Variants in ATG4C observed in about 807,000 individuals in gnomAD.
ATG4C encodes cysteine protease ATG4C.
A neutral mutation model predicts 57.6 loss-of-function variants in ATG4C; 56 were observed. The ratio of observed to expected loss-of-function variants is 0.97; its 90% CI spans 0.78 to 1.21. The LOEUF (loss-of-function observed/expected upper bound fraction) is 1.21, where lower values mean the gene tolerates loss of function less well. Among genes scored for constraint, ATG4C ranks in the 50% most tolerant of loss-of-function variants. ATG4C has a pLI of 0.00. For synonymous variants in ATG4C, 157 were observed against 174.1 expected, an observed-to-expected ratio of 0.90 and a Z score of 0.78; for missense variants, 595 against 529.8, an observed-to-expected ratio of 1.12 and a Z score of -1.21.
intron 1 of ATG4C, among the ~76,000 whole-genome samples, chr1:62,793,924 G>C (rs901932476): frequency 6.6e-5 from 10 of 152,114 alleles, no homozygotes; most frequent in African/African-American, 2.4e-4. Context: ...TTAATATTAA[G>C]AGCTTGGAAA....
intron 6 of ATG4C, 140 bp downstream of exon 6, chr1:62,821,349 C>A: frequency 2.4e-6 from 1 of 419,852 alleles, no homozygotes; most frequent in Non-Finnish European, 4.2e-6. Context: ...ATGTAGTAAG[C>A]ATTTAATAAA....
intron 9 of ATG4C, among the ~76,000 whole-genome samples, chr1:62,835,783 G>A (rs1001359438): frequency 6.6e-6 from 1 of 151,976 alleles, no homozygotes; most frequent in African/African-American, 2.4e-5. Flanking sequence ...GGTCTATTTT[G>A]TTCTTTCATA....
rs545954871 is a variant in ATG4C, at chr1:62,863,078, T to C, written c.1210-914T>C. 2.6e-3 allele frequency among the ~76,000 whole-genome samples: 398 copies of C among 152,154 alleles called. 5 individuals carry two copies. Among genetic ancestry groups the C allele is most frequent in the African/African-American group, 9.2e-3 (382 of 41,570 alleles). ...TGTTTAATTCATTTTTTAATGAAAA[T>C]CATTAAAAGTTTTGAATAGAACTTG... On this transcript the variant is annotated intron_variant, in intron 10 of 10. Coordinates refer to ENST00000317868, the MANE Select transcript of ATG4C (RefSeq NM_032852.4).
intron 4 of ATG4C, among the ~76,000 whole-genome samples, chr1:62,817,712 C>T (rs987886891): frequency 7.9e-5 from 12 of 152,140 alleles, no homozygotes; most frequent in Admixed American, 7.2e-4. Context: ...TGATACTTAA[C>T]TTACATATAT....
intron 1 of ATG4C, among the ~76,000 whole-genome samples, chr1:62,792,608 CTA>C (rs1491486275): frequency 6.6e-6 from 1 of 152,132 alleles, no homozygotes; most frequent in African/African-American, 2.4e-5. Context: ...TATGGATACT[CTA>C]AAACAGTTAT....
intron 6 of ATG4C, among the ~76,000 whole-genome samples, chr1:62,824,776 T>C (rs2100325485): frequency 6.6e-6 from 1 of 151,838 alleles, no homozygotes; most frequent in Middle Eastern, 3.4e-3. Flanking sequence ...CAAGTGTTGC[T>C]CCTGCCTCAG....
At chr1:62,844,985 TGGTCATCTG>T (rs1490369084) in intron 10 of ATG4C, among the ~76,000 whole-genome samples, 1 of 152,098 alleles carries the variant, frequency 6.6e-6, no homozygotes, top group Non-Finnish European at 1.5e-5. Flanking sequence ...CTTTCTTTGA[TGGTCATCTG>T]GCTTGTTTCT....
intron 10 of ATG4C, among the ~76,000 whole-genome samples, chr1:62,859,700 T>G (rs1461780391): frequency 2.1e-5 from 1 of 47,354 alleles, no homozygotes; most frequent in Non-Finnish European, 4.5e-5. Context: ...TTTCTGTAAC[T>G]TTTTTTTTTC....
intron 1 of ATG4C, among the ~76,000 whole-genome samples, chr1:62,793,304 C>T (rs1186096642): frequency 6.6e-6 from 1 of 151,814 alleles, no homozygotes; most frequent in Non-Finnish European, 1.5e-5. Context: ...TGGTCAAGAA[C>T]TACTGTTAAT....
At chr1:62,854,597 G>C (rs1368155922) in intron 10 of ATG4C, among the ~76,000 whole-genome samples, 2 of 151,870 alleles carry the variant, frequency 1.3e-5, no homozygotes, top group Non-Finnish European at 2.9e-5. Context: ...TTAATCATCT[G>C]GTTTTTCTTT....
chr1:62,834,089 C>T lies in ATG4C; in HGVS notation c.985C>T (p.Gln329Ter), dbSNP rs1199449842. Reference protein sequence around the residue: ...CVGIIGGKPKQSYYFAGFQDD... With the variant: ...CVGIIGGKPK ...GGGTATTATTGGTGGCAAACCTAAA[C>T]AGTCATATTACTTTGCTGGATTTCA... Residue 329 changes from glutamine (Q) to a stop codon, truncating the protein, a stop_gained, in exon 8 of 11, where the codon CAG (glutamine) becomes TAG (stop). Transcript: ENST00000317868. LOFTEE classifies it high-confidence loss of function. 1.9e-6 allele frequency: 3 copies of T among 1,612,674 alleles called. No individual in the cohort carries two copies. The Admixed American group carries it at 5.0e-5, about 27-fold the overall frequency.
chr1:62,814,762 TTTAAA>T (rs1665208683), intron 3 of ATG4C, among the ~76,000 whole-genome samples: 1 of 152,074 alleles, frequency 6.6e-6, no homozygotes, highest in Non-Finnish European at 1.5e-5. Flanking sequence ...ATCTTTGCCT[TTTAAA>T]TTAAGGTGTT....
At chr1:62,863,931 G>A (rs557890685) in intron 10 of ATG4C, 61 bp from the exon 11 acceptor site, 19 of 1,186,430 alleles carry the variant, frequency 1.6e-5, no homozygotes, top group Admixed American at 2.7e-5. Flanking sequence ...TAGATTTGTC[G>A]TGTGGTCTTA....
At chr1:62,804,088 T>TG (rs1664773741) in intron 2 of ATG4C, among the ~76,000 whole-genome samples, 1 of 140,478 alleles carries the variant, frequency 7.1e-6, no homozygotes. Flanking sequence ...TCTCCTTTTT[T>TG]CTTTTTTTTT....
intron 4 of ATG4C, 37 bp downstream of exon 4, chr1:62,816,845 G>T (rs1557971732): frequency 1.4e-6 from 2 of 1,424,360 alleles, no homozygotes; most frequent in Non-Finnish European, 1.9e-6. Context: ...GTTTTGTTTT[G>T]TTTTTTTGTC....
At chr1:62,844,834 GAGAT>G (rs1429948503) in intron 10 of ATG4C, among the ~76,000 whole-genome samples, 1 of 151,676 alleles carries the variant, frequency 6.6e-6, no homozygotes, top group African/African-American at 2.4e-5. Flanking sequence ...TTTATATAAA[GAGAT>G]ATATATTCAT....
chr1:62,841,793 C>A (rs1666177963), intron 10 of ATG4C, among the ~76,000 whole-genome samples: 1 of 152,102 alleles, frequency 6.6e-6, no homozygotes, highest in Non-Finnish European at 1.5e-5. Flanking sequence ...AAATAAAAAT[C>A]CTGTTGCAAA....
At chr1:62,794,933 T>G (rs1664411379) in intron 1 of ATG4C, among the ~76,000 whole-genome samples, 2 of 152,174 alleles carry the variant, frequency 1.3e-5, no homozygotes, top group Admixed American at 1.3e-4. Flanking sequence ...TTACTAAAAA[T>G]GCAAGCAGGT....
chr1:62,854,467 C>T (rs1234629913), intron 10 of ATG4C, among the ~76,000 whole-genome samples: 7 of 151,792 alleles, frequency 4.6e-5, no homozygotes, highest in East Asian at 3.9e-4. Flanking sequence ...TTAGTAGAGA[C>T]GGGGTTTCAC....
Sources: gnomAD v4.1 joint callset for allele counts (sites outside exome capture counted in the v4.1 genomes callset) on GRCh38, gnomAD v4.1.1 for gene constraint, MANE v1.5 for transcripts, NCBI Gene and HGNC (gene_info 2026-07-23, HGNC 2026-07-21) for gene names.